PTPRS: variants seen among roughly 807,000 people sequenced by gnomAD.
PTPRS encodes the protein receptor-type tyrosine-protein phosphatase S.
Under a neutral mutation model 215.3 loss-of-function variants are expected in PTPRS, and 63 were observed. The ratio of observed to expected loss-of-function variants is 0.29; its 90% CI spans 0.24 to 0.36. PTPRS has a LOEUF of 0.36. Ranked by LOEUF, PTPRS falls within the 10% of genes least tolerant of loss-of-function variation. PTPRS has a pLI of 1.00. For missense variants in PTPRS, 2,258 were observed against 2,825.8 expected (o/e 0.80, Z 4.56); for synonymous variants, 1,404 against 1,191.4 (o/e 1.18, Z -3.68).
rs530246752 is a variant in PTPRS at position 5,229,910 on chromosome 19, C to G, written c.2156-226G>C. ...GCGCCCCATGGATCCAGGCTGCCCC[C>G]CCCCGAGTCTAAACCACCTTCCCAG... On this transcript the variant is annotated intron_variant, in intron 14 of 37. Transcript: ENST00000262963. Among the ~76,000 whole-genome samples, 7 of 152,056 alleles carry G rather than the reference C, an allele frequency of 4.6e-5. No individual in the cohort carries two copies. In the East Asian group the frequency reaches 1.2e-3, roughly 25 times the overall value.
intron 24 of PTPRS, 110 bp downstream of exon 24, chr19:5,218,677 A>G: frequency 1.3e-6 from 2 of 1,510,226 alleles, no homozygotes; most frequent in South Asian, 2.2e-5. Context: ...AGCTACGTGT[A>G]CAAGCTGTGG....
At chr19:5,304,964 G>A (rs575060584) in intron 1 of PTPRS, among the ~76,000 whole-genome samples, 1 of 150,762 alleles carries the variant, frequency 6.6e-6, no homozygotes, top group South Asian at 2.1e-4. Flanking sequence ...GGGGGGGTGG[G>A]GTGGCAGAAC....
At chr19:5,211,896 C>A in intron 32 of PTPRS, 69 bp downstream of exon 32, 1 of 1,553,940 alleles carries the variant, frequency 6.4e-7, no homozygotes, top group Non-Finnish European at 8.7e-7. Context: ...TTGCTCGAGG[C>A]GGGCCTGATT....
At chr19:5,229,263 A>ACGGC in intron 16 of PTPRS, 53 bp downstream of exon 16, 1 of 1,361,448 alleles carries the variant, frequency 7.3e-7, no homozygotes, top group Admixed American at 3.2e-5. Context: ...ACAGCACAGC[A>ACGGC]CGGCCCGCGG....
At chr19:5,215,459 G>A (rs1439064856) in intron 27 of PTPRS, 39 bp downstream of exon 27, 1 of 1,609,536 alleles carries the variant, frequency 6.2e-7, no homozygotes, top group South Asian at 1.1e-5. Context: ...GTGCCTGTGA[G>A]GCCGAGGTGA....
Position 5,206,804 on chromosome 19 carries a change from G to C in PTPRS, c.5817C>G (p.Tyr1939Ter). 1 of 1,614,136 alleles carries C rather than the reference G, an allele frequency of 6.2e-7. No individual in the cohort carries two copies. The highest frequency in any genetic ancestry group is 8.5e-7 in the Non-Finnish European group (1 of 1,179,972). ...YQFCYQAALE[Y>*]LGSFDHYAT ...TTGCATAGTGGTCAAAGCTTCCGAGGTACTCCAGTGCCGCCTGGTAACAGA... is the reference window on the plus strand; with the variant it reads ...TTGCATAGTGGTCAAAGCTTCCGAGCTACTCCAGTGCCGCCTGGTAACAGA... The change falls in exon 38 of 38, where the codon TAC (tyrosine) becomes TAG (stop). Residue 1939 changes from tyrosine to a stop codon, truncating the protein, a stop_gained. Coordinates refer to ENST00000262963, the MANE Select transcript of PTPRS (RefSeq NM_002850.4). LOFTEE classifies it high-confidence loss of function.
chr19:5,316,127 C>T (rs2049869322), intron 1 of PTPRS, among the ~76,000 whole-genome samples: 2 of 152,086 alleles, frequency 1.3e-5, no homozygotes, highest in African/African-American at 4.8e-5. Flanking sequence ...CTATACTACC[C>T]CACCTGATGT....
intron 14 of PTPRS, among the ~76,000 whole-genome samples, chr19:5,230,154 G>C (rs1465744946): frequency 1.3e-5 from 2 of 152,182 alleles, no homozygotes; most frequent in Non-Finnish European, 2.9e-5. Flanking sequence ...GGCCCACTTG[G>C]CACTCAGGAT....
At chr19:5,336,291 A>C (rs1600156575) in intron 1 of PTPRS, among the ~76,000 whole-genome samples, 10 of 139,172 alleles carry the variant, frequency 7.2e-5, no homozygotes, top group South Asian at 2.3e-4. Flanking sequence ...GAAACCACAC[A>C]CTCCACACTC....
Position 5,226,334 on chromosome 19 carries a change from C to A in PTPRS, c.2377-490G>T, listed in dbSNP as rs893800420. ...CACTGGCCTTCCCCCCTGTCTACAC[C>A]CACTGGTGTGCTGGAGGTGCCCGGT... On this transcript the variant is annotated intron_variant, in intron 16 of 37. Coordinates refer to ENST00000262963, the MANE Select transcript of PTPRS (RefSeq NM_002850.4). Among the ~76,000 whole-genome samples the A allele has an allele frequency of 3.9e-4, 59 of 152,222 alleles. 1 individual carries two copies. The highest frequency in any genetic ancestry group is 3.3e-4 in the Admixed American group (5 of 15,286).
chr19:5,212,465 G>C lies in PTPRS; in HGVS notation c.4641C>G (p.Val1547=), dbSNP rs372574643. ...HKNGSSEKRE[V]RQFQFTAWPD... ...GCCACGCCGTAAACTGGAACTGGCG[G>C]ACCTCGCGTTTCTCACTGGAGCCAT... Residue 1547 remains valine (V), a synonymous_variant, in exon 31 of 38, where the codon GTC becomes GTG. Transcript: ENST00000262963. 3.8e-6 allele frequency: 6 copies of C among 1,597,368 alleles called. No homozygotes were observed. The highest frequency in any genetic ancestry group is 1.7e-4 in the Middle Eastern group (1 of 6,042).
rs1424987757 is a variant in PTPRS at position 5,257,950 on chromosome 19, GC to G, written c.706+66del. 2.2e-5 allele frequency: 30 copies of G among 1,391,528 alleles called. No individual in the cohort carries two copies. The East Asian group carries it at 6.2e-4, about 29-fold the overall frequency. The allele number at this position is 1,391,528 out of a possible 1,614,324, so 86.2% of individuals were successfully genotyped here. A position where few individuals can be genotyped will look rare whatever the true frequency, so the allele number is the denominator to read the frequency against. ...GGACGGGGGAGCCCGGAGGCGGTGA[GC>G]CCGAGGAGGGAGGGGGATGGGACGG... On this transcript the variant is annotated intron_variant, in intron 8 of 37. Coordinates refer to ENST00000262963, the MANE Select transcript of PTPRS (RefSeq NM_002850.4). The surrounding 1 kb of genome is among the most constrained non-coding windows in gnomAD (Gnocchi z 4.4).
intron 1 of PTPRS, among the ~76,000 whole-genome samples, chr19:5,312,038 T>C (rs551325998): frequency 1.4e-3 from 212 of 148,298 alleles, no homozygotes; most frequent in Non-Finnish European, 2.4e-3. Context: ...CGAGACTCCG[T>C]CTCAAAAAAA....
intron 1 of PTPRS, among the ~76,000 whole-genome samples, chr19:5,291,035 G>A (rs968172706): frequency 1.3e-5 from 2 of 152,080 alleles, no homozygotes; most frequent in African/African-American, 4.8e-5. Context: ...CTCCCTATCA[G>A]GAAATGGGCT....
intron 1 of PTPRS, among the ~76,000 whole-genome samples, chr19:5,335,840 G>T (rs73532993): frequency 2.1e-3 from 321 of 152,168 alleles, no homozygotes; most frequent in African/African-American, 7.6e-3. Flanking sequence ...AGAAACCTGG[G>T]TTTATTTTCA....
In PTPRS at chr19:5,293,708, C is replaced by A. The variant is rs1045607157; in HGVS notation, c.-94-7474G>T. ...GGGACCGGAGGCACGGTGATGGGGG[C>A]GGGGGGCGTCCCCTCTTCCCCCTCT... On this transcript the variant is annotated intron_variant, in intron 1 of 37. Coordinates refer to ENST00000262963, the MANE Select transcript of PTPRS (RefSeq NM_002850.4). The surrounding 1 kb of genome is among the most constrained non-coding windows in gnomAD (Gnocchi z 8.4). 2.6e-5 allele frequency among the ~76,000 whole-genome samples: 4 copies of A among 152,016 alleles called. No individual in the cohort carries two copies. Among genetic ancestry groups the A allele is most frequent in the African/African-American group, 9.7e-5 (4 of 41,418 alleles).
At chr19:5,266,524 G>A (rs897974345) in intron 4 of PTPRS, among the ~76,000 whole-genome samples, 5 of 151,838 alleles carry the variant, frequency 3.3e-5, no homozygotes, top group African/African-American at 7.3e-5. Context: ...TGCACTCCAC[G>A]CCCGGCTAAT....
chr19:5,326,830 AAG>A (rs1482363737), intron 1 of PTPRS, among the ~76,000 whole-genome samples: 2 of 151,940 alleles, frequency 1.3e-5, no homozygotes, highest in Non-Finnish European at 2.9e-5. Flanking sequence ...AAGAAAGAAC[AAG>A]AGAGAAAGAA....
At chr19:5,267,834 G>A (rs2046549734) in intron 4 of PTPRS, among the ~76,000 whole-genome samples, 1 of 151,828 alleles carries the variant, frequency 6.6e-6, no homozygotes, top group Non-Finnish European at 1.5e-5. Flanking sequence ...GAGTGGAGGG[G>A]GTAAAGGGCC....
Sources: allele counts gnomAD v4.1 joint callset (sites outside exome capture counted in the v4.1 genomes callset), GRCh38; gene constraint gnomAD v4.1.1; non-coding constraint Gnocchi (gnomAD v3.1); transcripts MANE v1.5; gene names NCBI Gene and HGNC (gene_info 2026-07-23, HGNC 2026-07-21).